PRMT8: variants seen among roughly 807,000 people sequenced by gnomAD.
PRMT8 encodes protein arginine methyltransferase 8.
Under a neutral mutation model 47.1 loss-of-function variants are expected in PRMT8, and 7 were observed. The ratio of observed to expected loss-of-function variants is 0.15; its 90% CI spans 0.08 to 0.28. The LOEUF (loss-of-function observed/expected upper bound fraction) is 0.28, where lower values mean the gene tolerates loss of function less well. Ranked by LOEUF, PRMT8 falls within the 10% of genes least tolerant of loss-of-function variation. The pLI is 1.00. For missense variants in PRMT8, 237 were observed against 505.4 expected, an observed-to-expected ratio of 0.47 and a Z score of 5.09; for synonymous variants, 188 against 186.5, an observed-to-expected ratio of 1.01 and a Z score of -0.07.
intron 1 of PRMT8, among the ~76,000 whole-genome samples, chr12:3,393,241 G>A (rs1319623511): frequency 2.0e-5 from 3 of 152,042 alleles, no homozygotes; most frequent in African/African-American, 7.3e-5. Context: ...GTCAATTTTG[G>A]CTTTTGTTGC....
rs905983044 is a variant in PRMT8 at position 3,453,211 on chromosome 12, G to T, written c.48+71769G>T. On this transcript the variant is annotated intron_variant, in intron 1 of 9. Coordinates refer to the PRMT8 transcript ENST00000452611. The surrounding 1 kb of genome is among the most constrained non-coding windows in gnomAD (Gnocchi z 4.9). ...GAACCATGGAAGCTGCTGAAAGGGT[G>T]CAGGGAAGCCACGGTTCCTTCCCTC... Among the ~76,000 whole-genome samples the T allele has an allele frequency of 6.6e-6, 1 of 152,160 alleles. No homozygotes were observed. The highest frequency in any genetic ancestry group is 1.5e-5 in the Non-Finnish European group (1 of 68,032).
chr12:3,428,237 TTTTC>T (rs1178026202), intron 1 of PRMT8, among the ~76,000 whole-genome samples: 1 of 149,204 alleles, frequency 6.7e-6, no homozygotes, highest in Non-Finnish European at 1.5e-5. Flanking sequence ...TAAATCATCT[TTTTC>T]TTTCTTTCTT....
intron 2 of PRMT8, among the ~76,000 whole-genome samples, chr12:3,544,915 A>T (rs1333153731): frequency 6.6e-6 from 1 of 152,172 alleles, no homozygotes; most frequent in Non-Finnish European, 1.5e-5. Flanking sequence ...CTCCGGGGGT[A>T]CTCAGCCAAT....
chr12:3,473,943 T>C (rs1865184143), intron 1 of PRMT8, among the ~76,000 whole-genome samples: 1 of 152,146 alleles, frequency 6.6e-6, no homozygotes, highest in Non-Finnish European at 1.5e-5. Flanking sequence ...ACCCTTCTCT[T>C]CATCCCTGCT....
At chr12:3,518,091 G>T (rs1215804934) in intron 1 of PRMT8, among the ~76,000 whole-genome samples, 1 of 151,610 alleles carries the variant, frequency 6.6e-6, no homozygotes, top group Non-Finnish European at 1.5e-5. Flanking sequence ...AAAGCCCTGG[G>T]ATTCCCCAAC....
chr12:3,486,604 G>T (rs1865325844), upstream of PRMT8, among the ~76,000 whole-genome samples: 1 of 152,188 alleles, frequency 6.6e-6, no homozygotes, highest in African/African-American at 2.4e-5. Flanking sequence ...GATTTAAAAA[G>T]GAGGAAAGGA....
In PRMT8 at chr12:3,470,518, G is replaced by A. The variant is rs546321003; in HGVS notation, c.49-70088G>A. The stretch of plus-strand genomic sequence containing the variant: ...ACTAAGTGGGAGGTCTGTGAGCTCC[G>A]TCCCTCCAGGGCCTCACTGTGAAGC... On this transcript the variant is annotated intron_variant, in intron 1 of 9. Transcript: ENST00000452611. Among the ~76,000 whole-genome samples, 6 of 152,222 alleles carry A rather than the reference G, an allele frequency of 3.9e-5. No individual in the cohort carries two copies. The South Asian group carries it at 8.3e-4, about 21-fold the overall frequency.
intron 1 of PRMT8, among the ~76,000 whole-genome samples, chr12:3,497,221 GGT>G (rs1865524196): frequency 6.6e-6 from 1 of 152,184 alleles, no homozygotes; most frequent in Non-Finnish European, 1.5e-5. Context: ...GCAAGCAGGT[GGT>G]GCTGTTGTGA....
Position 3,436,109 on chromosome 12 carries a change from T to C in PRMT8, c.48+54667T>C, listed in dbSNP as rs910331019. Among the ~76,000 whole-genome samples, 1 of 152,090 alleles carries C rather than the reference T, an allele frequency of 6.6e-6. No individual in the cohort carries two copies. The highest frequency in any genetic ancestry group is 2.4e-5 in the African/African-American group (1 of 41,392). ...CTTGGCTCTGGTTGCCCTGTGACTT[T>C]GAGTGAAGGTTATTGGGTGCCTCAG... On this transcript the variant is annotated intron_variant, in intron 1 of 9. Transcript: ENST00000452611. The surrounding 1 kb of genome is among the most constrained non-coding windows in gnomAD (Gnocchi z 4.2).
Position 3,572,165 on chromosome 12 carries a change from T to C in PRMT8, c.712+2601T>C, listed in dbSNP as rs1168967525. On this transcript the variant is annotated intron_variant, in intron 6 of 9. Coordinates refer to ENST00000382622, the MANE Select transcript of PRMT8 (RefSeq NM_019854.5). This position sits in a 1 kb window ranked among gnomAD's most constrained non-coding sequence, Gnocchi z 5.9. ...AGTGCAGAACCTGCCCTCCATTTGC[T>C]CACCAATGAATAGAGACCACATAGA... Among the ~76,000 whole-genome samples the C allele has an allele frequency of 6.6e-6, 1 of 151,940 alleles. No homozygotes were observed. The highest frequency in any genetic ancestry group is 1.5e-5 in the Non-Finnish European group (1 of 68,018).
intron 1 of PRMT8, among the ~76,000 whole-genome samples, chr12:3,484,307 C>G (rs146012431): frequency 6.6e-6 from 1 of 152,130 alleles, no homozygotes; most frequent in Non-Finnish European, 1.5e-5. Flanking sequence ...AAGGAGGATG[C>G]GGGGTTTGTC....
At chr12:3,513,998 C>T (rs1160730383) in intron 1 of PRMT8, among the ~76,000 whole-genome samples, 1 of 152,152 alleles carries the variant, frequency 6.6e-6, no homozygotes, top group East Asian at 1.9e-4. Context: ...CCTTCTTGAG[C>T]CCCCGGATAC....
Position 3,409,638 on chromosome 12 carries a change from G to T in PRMT8, c.48+28196G>T, listed in dbSNP as rs1180449784. Among the ~76,000 whole-genome samples, 1 of 152,132 alleles carries T rather than the reference G, an allele frequency of 6.6e-6. No individual in the cohort carries two copies. The highest frequency in any genetic ancestry group is 2.1e-4 in the South Asian group (1 of 4,822). On this transcript the variant is annotated intron_variant, in intron 1 of 9. Coordinates refer to the PRMT8 transcript ENST00000452611. This position sits in a 1 kb window ranked among gnomAD's most constrained non-coding sequence, Gnocchi z 4.4. The stretch of plus-strand genomic sequence containing the variant: ...ACTTGTTTGGCCTGGGGGCGGGGGT[G>T]AGGTGTCCCATCTCAGTCAATGCTC...
chr12:3,427,557 G>A (rs752195915), intron 1 of PRMT8, among the ~76,000 whole-genome samples: 9 of 150,392 alleles, frequency 6.0e-5, no homozygotes, highest in Non-Finnish European at 7.4e-5. Flanking sequence ...TTTTACCAGA[G>A]GTATATTTTA....
chr12:3,540,393 G>T (rs1213315815), intron 1 of PRMT8, among the ~76,000 whole-genome samples: 1 of 152,182 alleles, frequency 6.6e-6, no homozygotes, highest in African/African-American at 2.4e-5. Flanking sequence ...CTAGGTGTGT[G>T]TGGCTCCTCG....
chr12:3,462,040 T>C (rs896343376), intron 1 of PRMT8, among the ~76,000 whole-genome samples: 10 of 151,998 alleles, frequency 6.6e-5, no homozygotes, highest in Admixed American at 6.6e-4. Flanking sequence ...CTCTCCCTCC[T>C]CCCAACCTCC....
Position 3,583,277 on chromosome 12 carries a change from C to G in PRMT8, c.979+69C>G, listed in dbSNP as rs1867107338. On this transcript the variant is annotated intron_variant, in intron 8 of 9. Coordinates refer to ENST00000382622, the MANE Select transcript of PRMT8 (RefSeq NM_019854.5). This position sits in a 1 kb window ranked among gnomAD's most constrained non-coding sequence, Gnocchi z 4.7. Reference sequence around the variant, plus strand: ...CTTCCTCAAGTCTTTGTGGGGTGACCAGAGCTGGCCTTGACTTGGGGAGAA... The same window carrying G: ...CTTCCTCAAGTCTTTGTGGGGTGACGAGAGCTGGCCTTGACTTGGGGAGAA... The G allele has an allele frequency of 6.7e-7, 1 of 1,491,362 alleles. No homozygotes were observed. The highest frequency in any genetic ancestry group is 2.1e-5 in the Admixed American group (1 of 47,052). 92.4% of individuals were successfully genotyped at this position (1,491,362 alleles called of 1,614,324 possible). A position where few individuals can be genotyped will look rare whatever the true frequency, so the allele number is the denominator to read the frequency against.
chr12:3,461,686 G>GA (rs1865043404), intron 1 of PRMT8, among the ~76,000 whole-genome samples: 3 of 152,262 alleles, frequency 2.0e-5, no homozygotes, highest in African/African-American at 7.2e-5. Context: ...AGGAGTCCAA[G>GA]CTTCAGACAG....
At chr12:3,401,014 G>C (rs1163875848) in intron 1 of PRMT8, among the ~76,000 whole-genome samples, 1 of 152,008 alleles carries the variant, frequency 6.6e-6, no homozygotes, top group African/African-American at 2.4e-5. Flanking sequence ...GGGCACAGTG[G>C]TGCATGCCTG....
Sources: gnomAD v4.1 joint callset for allele counts (sites outside exome capture counted in the v4.1 genomes callset) on GRCh38, gnomAD v4.1.1 for gene constraint, Gnocchi (gnomAD v3.1) non-coding constraint, MANE v1.5 for transcripts, NCBI Gene and HGNC (gene_info 2026-07-23, HGNC 2026-07-21) for gene names.